ANKRD6: variants seen among roughly 807,000 people sequenced by gnomAD.
ANKRD6 encodes the protein ankyrin repeat domain 6, also known as ankyrin repeat domain-containing protein 6.
Under a neutral mutation model 82.3 loss-of-function variants are expected in ANKRD6, and 56 were observed. The observed-to-expected ratio is 0.68, with a 90% CI of 0.55 to 0.85. ANKRD6 has a LOEUF of 0.85. Ranked by LOEUF, ANKRD6 falls within the 40% of genes least tolerant of loss-of-function variation. ANKRD6 has a pLI of 0.00. For synonymous variants in ANKRD6, 347 were observed against 352.1 expected (o/e 0.99, Z 0.16); for missense variants, 852 against 907.6 (o/e 0.94, Z 0.79).
intron 1 of ANKRD6, among the ~76,000 whole-genome samples, chr6:89,527,601 C>CAAAA (rs35855223): frequency 4.6e-4 from 21 of 45,674 alleles, no homozygotes; most frequent in African/African-American, 1.1e-3. Flanking sequence ...GACTCCGTCT[C>CAAAA]AAAAAAAAAA....
chr6:89,459,869 A>G (rs1322506151), intron 1 of ANKRD6, among the ~76,000 whole-genome samples: 1 of 152,084 alleles, frequency 6.6e-6, no homozygotes, highest in African/African-American at 2.4e-5. Context: ...TCTTCTTTCC[A>G]TAAACATTTA....
At chr6:89,493,424 C>T (rs566251847) in intron 1 of ANKRD6, among the ~76,000 whole-genome samples, 64 of 151,386 alleles carry the variant, frequency 4.2e-4, no homozygotes, top group African/African-American at 1.4e-3. Context: ...TTTTTTTATT[C>T]TTTGAGACAG....
intron 1 of ANKRD6, among the ~76,000 whole-genome samples, chr6:89,439,042 G>A (rs568279337): frequency 1.3e-5 from 2 of 152,238 alleles, no homozygotes; most frequent in African/African-American, 4.8e-5. Context: ...TGTCTTCATA[G>A]TGGAGGGTGT....
intron 1 of ANKRD6, among the ~76,000 whole-genome samples, chr6:89,469,789 A>G (rs1242831013): frequency 6.6e-6 from 1 of 152,136 alleles, no homozygotes; most frequent in East Asian, 1.9e-4. Flanking sequence ...ATCCATTTCT[A>G]GGTCCCCTCA....
chr6:89,529,734 T>A (rs913615270), intron 1 of ANKRD6, among the ~76,000 whole-genome samples: 1 of 152,190 alleles, frequency 6.6e-6, no homozygotes, highest in Non-Finnish European at 1.5e-5. Context: ...CATTGTATGG[T>A]TATCACTTGG....
intron 5 of ANKRD6, among the ~76,000 whole-genome samples, chr6:89,609,633 T>A (rs1451798137): frequency 1.8e-4 from 27 of 150,720 alleles, no homozygotes; most frequent in Non-Finnish European, 5.9e-5. Flanking sequence ...TTTGTTTGTT[T>A]GTTTTGAGAC....
chr6:89,462,338 G>T (rs1194357177), intron 1 of ANKRD6, among the ~76,000 whole-genome samples: 59 of 151,766 alleles, frequency 3.9e-4, no homozygotes, highest in Non-Finnish European at 1.6e-4. Context: ...TGTTTTTACA[G>T]AGTCAAGGTT....
chr6:89,445,467 A>G (rs1174116873), intron 1 of ANKRD6, among the ~76,000 whole-genome samples: 1 of 150,604 alleles, frequency 6.6e-6, no homozygotes, highest in African/African-American at 2.4e-5. Context: ...TATTTATTTG[A>G]CATGGAGTCT....
intron 9 of ANKRD6, 56 bp from the exon 10 acceptor site, chr6:89,621,866 C>T: frequency 6.5e-7 from 1 of 1,548,176 alleles, no homozygotes; most frequent in African/African-American, 1.4e-5. Flanking sequence ...GGAGAATTCT[C>T]TCACACAGAT....
At chr6:89,592,727 C>G (rs1417623927) in intron 2 of ANKRD6, among the ~76,000 whole-genome samples, 1 of 152,100 alleles carries the variant, frequency 6.6e-6, no homozygotes, top group African/African-American at 2.4e-5. Flanking sequence ...ATTCCATGGT[C>G]AGAGTATCAG....
chr6:89,451,276 T>C (rs1203099643), intron 1 of ANKRD6, among the ~76,000 whole-genome samples: 1 of 152,198 alleles, frequency 6.6e-6, no homozygotes, highest in East Asian at 1.9e-4. Flanking sequence ...GCCACTGCAC[T>C]GCAGCCTGGG....
intron 4 of ANKRD6, among the ~76,000 whole-genome samples, chr6:89,604,767 C>T (rs545425951): frequency 2.6e-5 from 4 of 152,272 alleles, no homozygotes; most frequent in Admixed American, 6.5e-5. Flanking sequence ...CAGTTCCCAG[C>T]AACCACCCCA....
intron 13 of ANKRD6, among the ~76,000 whole-genome samples, chr6:89,626,863 T>TA (rs1247147379): frequency 8.5e-5 from 13 of 152,250 alleles, no homozygotes; most frequent in African/African-American, 2.9e-4. Flanking sequence ...ACACTCTTCT[T>TA]ACGTACTTTA....
chr6:89,514,075 C>G (rs1780904911), intron 1 of ANKRD6, among the ~76,000 whole-genome samples: 1 of 152,192 alleles, frequency 6.6e-6, no homozygotes, highest in Non-Finnish European at 1.5e-5. Context: ...AAGTCGTAAG[C>G]TTTCTTAAAA....
In ANKRD6 at chr6:89,630,921, G is replaced by A. The variant is rs766219563; in HGVS notation, c.2101G>A (p.Asp701Asn). The A allele has an allele frequency of 1.2e-6, 2 of 1,611,152 alleles. No homozygotes were observed. Among genetic ancestry groups the A allele is most frequent in the Non-Finnish European group, 1.7e-6 (2 of 1,178,594 alleles). ...CCAAGCCAATCAGAAAGCCCAGCAA[G>A]ATAAGGCTACATTGAAGGAACACAT... ...RSQANQKAQQ[D>N]KATLKEHIKS... The change falls in exon 16 of 16, where the codon GAT becomes AAT. Residue 701 changes from aspartate (D) to asparagine (N), a missense_variant. Physicochemically the swap from Asp to Asn is conservative, Grantham distance 23 (BLOSUM62 1). Coordinates refer to ENST00000339746, the MANE Select transcript of ANKRD6 (RefSeq NM_001242809.2).
rs555279434 is a variant in ANKRD6 at position 89,525,341 on chromosome 6, G to T, written c.-143-41493G>T. 6.8e-5 allele frequency among the ~76,000 whole-genome samples: 10 copies of T among 147,426 alleles called. No homozygotes were observed. The East Asian group carries it at 2.0e-3, about 29-fold the overall frequency. ...CCTGTGCCCAGGCTCCCTCCCTAAA[G>T]ACCTGCACCCCTGGCCTTGAGAGCT... On this transcript the variant is annotated intron_variant, in intron 1 of 15. Transcript: ENST00000339746.
chr6:89,499,848 CA>C (rs1183318809), intron 1 of ANKRD6, among the ~76,000 whole-genome samples: 1 of 152,108 alleles, frequency 6.6e-6, no homozygotes, highest in Non-Finnish European at 1.5e-5. Flanking sequence ...TTATGATGCC[CA>C]CTTTGATTCC....
Position 89,433,557 on chromosome 6 carries a change from G to A in ANKRD6, c.-144+182G>A, listed in dbSNP as rs2127912159. Among the ~76,000 whole-genome samples, 1 of 152,074 alleles carries A rather than the reference G, an allele frequency of 6.6e-6. No homozygotes were observed. The highest frequency in any genetic ancestry group is 6.5e-5 in the Admixed American group (1 of 15,282). On this transcript the variant is annotated intron_variant, in intron 1 of 15. Coordinates refer to ENST00000339746, the MANE Select transcript of ANKRD6 (RefSeq NM_001242809.2). The surrounding 1 kb of genome is among the most constrained non-coding windows in gnomAD (Gnocchi z 4.3). ...CCCCTGGCCTGCGGCCTCCGAAAAC[G>A]CCCGGCGCGAGGGGGTCCCCCCGGG... is the stretch of plus-strand genomic sequence containing the variant.
intron 1 of ANKRD6, among the ~76,000 whole-genome samples, chr6:89,500,122 G>A (rs1405759398): frequency 3.3e-5 from 5 of 150,756 alleles, no homozygotes; most frequent in Non-Finnish European, 7.4e-5. Context: ...CTTTTATCTT[G>A]CTCCAGTTGA....
Sources: gnomAD v4.1 joint callset for allele counts (sites outside exome capture counted in the v4.1 genomes callset) on GRCh38, gnomAD v4.1.1 for gene constraint, Gnocchi (gnomAD v3.1) non-coding constraint, MANE v1.5 for transcripts, NCBI Gene and HGNC (gene_info 2026-07-23, HGNC 2026-07-21) for gene names.